RASEF: variants seen among roughly 807,000 people sequenced by gnomAD.
RASEF encodes RAS and EF-hand domain containing, also known as ras and EF-hand domain-containing protein.
Under a neutral mutation model 90.1 loss-of-function variants are expected in RASEF, and 68 were observed. That is an observed-to-expected ratio of 0.75 (90% CI 0.62 to 0.92). The LOEUF (loss-of-function observed/expected upper bound fraction) is 0.92, where lower values mean the gene tolerates loss of function less well. Among genes scored for constraint, RASEF ranks in the 40% least tolerant of loss-of-function variants. The pLI, the probability that RASEF is intolerant of heterozygous loss-of-function variation, is 0.00. For missense variants in RASEF, 949 were observed against 937.2 expected, an observed-to-expected ratio of 1.01 and a Z score of -0.16; for synonymous variants, 331 against 345.2, an observed-to-expected ratio of 0.96 and a Z score of 0.46.
chr9:83,185,970 CG>C, the RASEF span, among the ~76,000 whole-genome samples: 135,047 of 151,794 alleles, frequency 0.89, 60,338 homozygotes, highest in African/African-American at 0.97. Flanking sequence ...GAATGGGTGG[CG>C]GGGGGGGCAA....
At chr9:83,149,501 G>A in the RASEF span, among the ~76,000 whole-genome samples, 1 of 152,158 alleles carries the variant, frequency 6.6e-6, no homozygotes, top group South Asian at 2.1e-4. Flanking sequence ...AGGAAATGGT[G>A]TGTAAGAAGG....
chr9:83,127,674 G>A, the RASEF span, among the ~76,000 whole-genome samples: 12 of 152,120 alleles, frequency 7.9e-5, no homozygotes, highest in Middle Eastern at 3.2e-3. Context: ...GCCACAGATG[G>A]GGTTAGTTAC....
chr9:83,143,198 G>T, the RASEF span, among the ~76,000 whole-genome samples: 3 of 152,088 alleles, frequency 2.0e-5, no homozygotes, highest in Non-Finnish European at 2.9e-5. Flanking sequence ...AACCCTGCTT[G>T]CACAATTGCA....
chr9:83,109,612 A>C, the RASEF span, among the ~76,000 whole-genome samples: 2 of 152,198 alleles, frequency 1.3e-5, no homozygotes, highest in Non-Finnish European at 2.9e-5. Flanking sequence ...CTAATTTTAC[A>C]GTTCTTCATT....
At chr9:83,175,693 G>T in the RASEF span, among the ~76,000 whole-genome samples, 1 of 151,902 alleles carries the variant, frequency 6.6e-6, no homozygotes, top group Non-Finnish European at 1.5e-5. Flanking sequence ...CCATTCTCCT[G>T]CCTCAGCCTC....
the RASEF span, among the ~76,000 whole-genome samples, chr9:83,170,805 C>T: frequency 6.6e-6 from 1 of 151,774 alleles, no homozygotes; most frequent in East Asian, 1.9e-4. Context: ...TTTACCAATT[C>T]TAACAGGTTT....
chr9:83,048,721 AT>A (rs1829978527), intron 1 of RASEF: 1 of 985,124 alleles, frequency 1.0e-6, no homozygotes, highest in African/African-American at 1.7e-5. Flanking sequence ...GACAGAGGAG[AT>A]AAATACACAT....
At chr9:83,030,309 A>G (rs956256776) in intron 1 of RASEF, among the ~76,000 whole-genome samples, 9 of 151,822 alleles carry the variant, frequency 5.9e-5, no homozygotes. Context: ...GTGAGCCAAG[A>G]TCATGTTACT....
intron 1 of RASEF, among the ~76,000 whole-genome samples, chr9:83,040,370 T>C (rs1829816485): frequency 6.6e-6 from 1 of 152,242 alleles, no homozygotes; most frequent in South Asian, 2.1e-4. Context: ...AAATATTATT[T>C]ATATTTGTTA....
intron 16 of RASEF, among the ~76,000 whole-genome samples, chr9:82,988,863 G>GT (rs1370076483): frequency 6.6e-6 from 1 of 152,174 alleles, no homozygotes; most frequent in Non-Finnish European, 1.5e-5. Context: ...CCTTTATAGA[G>GT]ATGCACAAAA....
chr9:83,015,891 T>C lies in RASEF; in HGVS notation c.679A>G (p.Lys227Glu). ...AGGTCACTGAGGGCTTCCTCAGCTT[T>C]GCGTTTTTCCTAAAAGAAAAAAAAA... Reference protein sequence around the residue: ...EHKTRKDEKRKAEEALSDLRR... With the variant: ...EHKTRKDEKREAEEALSDLRR... Residue 227 changes from lysine to glutamate, a missense_variant, in exon 4 of 17, where the codon AAA becomes GAA. Transcript: ENST00000376447. 6.2e-7 allele frequency: 1 copy of C among 1,613,120 alleles called. No individual in the cohort carries two copies. Among genetic ancestry groups the C allele is most frequent in the Non-Finnish European group, 8.5e-7 (1 of 1,179,486 alleles).
At chr9:83,114,106 G>A in the RASEF span, among the ~76,000 whole-genome samples, 2 of 152,146 alleles carry the variant, frequency 1.3e-5, no homozygotes, top group African/African-American at 2.4e-5. Flanking sequence ...CAAGGACCCC[G>A]AATGGAGGGA....
intron 1 of RASEF, among the ~76,000 whole-genome samples, chr9:83,060,669 G>A (rs1295669815): frequency 6.6e-6 from 1 of 152,368 alleles, no homozygotes; most frequent in East Asian, 1.9e-4. Context: ...AGGAAGTGAA[G>A]TAGAATTAAT....
At chr9:83,119,498 G>A in the RASEF span, among the ~76,000 whole-genome samples, 170 of 152,224 alleles carry the variant, frequency 1.1e-3, 1 homozygote, top group African/African-American at 3.9e-3. Flanking sequence ...CTTGGTGCAG[G>A]GGAAGAAAGC....
rs921850876 is a variant in RASEF at position 82,997,951 on chromosome 9, C to G, written c.1805+414G>C. On this transcript the variant is annotated intron_variant, in intron 13 of 16. Transcript: ENST00000376447. ...TAATGAATGCAAGGTAAAGTGCCATCACCAAATGCAAGTCTGCTATGCGGT... is the reference window on the plus strand; with the variant it reads ...TAATGAATGCAAGGTAAAGTGCCATGACCAAATGCAAGTCTGCTATGCGGT... Among the ~76,000 whole-genome samples, 35 of 152,178 alleles carry G rather than the reference C, an allele frequency of 2.3e-4. 1 individual carries two copies. The highest frequency in any genetic ancestry group is 7.7e-4 in the African/African-American group (32 of 41,436).
the RASEF span, among the ~76,000 whole-genome samples, chr9:83,094,425 C>G: frequency 4.6e-5 from 7 of 151,688 alleles, no homozygotes; most frequent in African/African-American, 1.7e-4. Context: ...TATTTTCATG[C>G]TTTTTTAATG....
At chr9:83,215,265 C>T in the RASEF span, among the ~76,000 whole-genome samples, 9 of 152,106 alleles carry the variant, frequency 5.9e-5, no homozygotes, top group African/African-American at 1.9e-4. Context: ...ATGTGTGACC[C>T]GATTCTTCTG....
chr9:83,079,469 G>A, the RASEF span, among the ~76,000 whole-genome samples: 35 of 152,044 alleles, frequency 2.3e-4, no homozygotes, highest in African/African-American at 7.5e-4. Flanking sequence ...GTTTGAAGTC[G>A]GGTGATACCA....
At chr9:83,046,151 C>T (rs113333428) in intron 1 of RASEF, among the ~76,000 whole-genome samples, 638 of 152,226 alleles carry the variant, frequency 4.2e-3, no homozygotes, top group Non-Finnish European at 7.1e-3. Context: ...AAACTCGTGT[C>T]ATGAGGCTCT....
Sources: gnomAD v4.1 joint callset for allele counts (sites outside exome capture counted in the v4.1 genomes callset) on GRCh38, gnomAD v4.1.1 for gene constraint, MANE v1.5 for transcripts, NCBI Gene and HGNC (gene_info 2026-07-23, HGNC 2026-07-21) for gene names.